CCDC152: variants seen among roughly 807,000 people sequenced by gnomAD.
The protein encoded by CCDC152 is coiled-coil domain-containing protein 152.
Under a neutral mutation model 38.1 loss-of-function variants are expected in CCDC152, and 37 were observed. That is an observed-to-expected ratio of 0.97 (90% CI 0.75 to 1.28). CCDC152 has a LOEUF of 1.28. Ranked by LOEUF, CCDC152 falls within the 50% of genes most tolerant of loss-of-function variation. CCDC152 has a pLI of 0.00. For synonymous variants in CCDC152, 83 were observed against 87.1 expected, an observed-to-expected ratio of 0.95 and a Z score of 0.26; for missense variants, 259 against 292.1, an observed-to-expected ratio of 0.89 and a Z score of 0.83.
chr5:42,760,745 C>T (rs182300244), intron 2 of CCDC152, among the ~76,000 whole-genome samples: 2 of 152,012 alleles, frequency 1.3e-5, no homozygotes, highest in South Asian at 2.1e-4. Flanking sequence ...TATGATCATG[C>T]GTATTTTGAA....
intron 7 of CCDC152, 79 bp downstream of exon 7, chr5:42,797,035 G>A (rs1042581952): frequency 1.8e-6 from 2 of 1,116,638 alleles, no homozygotes; most frequent in African/African-American, 3.3e-5. Context: ...TCATCACAGT[G>A]AGATACATTT....
intron 6 of CCDC152, among the ~76,000 whole-genome samples, chr5:42,792,454 T>C (rs552643849): frequency 6.6e-6 from 1 of 152,358 alleles, no homozygotes; most frequent in East Asian, 1.9e-4. Context: ...TCTACTGCAT[T>C]TGTGGGCATT....
intron 4 of CCDC152, among the ~76,000 whole-genome samples, chr5:42,777,699 CT>C: frequency 6.6e-6 from 1 of 152,246 alleles, no homozygotes; most frequent in Admixed American, 6.5e-5. Flanking sequence ...GATTTTAGAT[CT>C]TTACTTAATT....
intron 6 of CCDC152, among the ~76,000 whole-genome samples, chr5:42,796,551 A>G (rs999987679): frequency 2.6e-5 from 4 of 152,180 alleles, no homozygotes; most frequent in Non-Finnish European, 4.4e-5. Context: ...CTCTTCAACC[A>G]CTGTATCTCC....
chr5:42,766,011 C>T (rs1759619462), intron 3 of CCDC152, among the ~76,000 whole-genome samples: 1 of 152,082 alleles, frequency 6.6e-6, no homozygotes, highest in South Asian at 2.1e-4. Context: ...GCAAACTACC[C>T]CTCTGACAAG....
chr5:42,800,879 G>A lies in CCDC152; in HGVS notation c.*1098G>A. On this transcript the variant is annotated 3_prime_UTR_variant, in exon 9 of 9. Coordinates refer to ENST00000361970, the MANE Select transcript of CCDC152 (RefSeq NM_001134848.2). ...TCTCCTCTGCCCGAAGTCCCTGTCAGCTACATAAAGATGGGAGGTTTTCTT... is the reference window on the plus strand; with the variant it reads ...TCTCCTCTGCCCGAAGTCCCTGTCAACTACATAAAGATGGGAGGTTTTCTT... 1 of 1,614,194 alleles carries A rather than the reference G, an allele frequency of 6.2e-7. No homozygotes were observed. Among genetic ancestry groups the A allele is most frequent in the Non-Finnish European group, 8.5e-7 (1 of 1,180,022 alleles).
intron 1 of CCDC152, among the ~76,000 whole-genome samples, chr5:42,757,274 T>A (rs1044555381): frequency 1.3e-5 from 2 of 151,986 alleles, no homozygotes; most frequent in Non-Finnish European, 2.9e-5. Flanking sequence ...TGAGAGTGAA[T>A]TCTTGAGGGG....
At chr5:42,761,005 A>G (rs1196648493) in intron 2 of CCDC152, among the ~76,000 whole-genome samples, 1 of 152,228 alleles carries the variant, frequency 6.6e-6, no homozygotes, top group Non-Finnish European at 1.5e-5. Flanking sequence ...TTGGAGATAC[A>G]TATGGATGGT....
chr5:42,762,561 C>G lies in CCDC152; in HGVS notation c.193+13C>G. The G allele has an allele frequency of 7.8e-7, 1 of 1,288,822 alleles. No homozygotes were observed. Among genetic ancestry groups the G allele is most frequent in the South Asian group, 1.3e-5 (1 of 77,936 alleles). 79.8% of individuals were successfully genotyped at this position (1,288,822 alleles called of 1,614,324 possible). ...TCCATTAAAGAAGGTTAGTTATTTGCTGCCTGAGGAATGCTAATTCTAATG... is the reference window on the plus strand; with the variant it reads ...TCCATTAAAGAAGGTTAGTTATTTGGTGCCTGAGGAATGCTAATTCTAATG... On this transcript the variant is annotated intron_variant, in intron 3 of 8. Transcript: ENST00000361970.
chr5:42,777,134 C>A (rs1001587798), intron 4 of CCDC152, among the ~76,000 whole-genome samples: 4 of 151,538 alleles, frequency 2.6e-5, no homozygotes, highest in African/African-American at 9.7e-5. Flanking sequence ...TTGAAAAGAT[C>A]AATAAAATTG....
intron 4 of CCDC152, among the ~76,000 whole-genome samples, chr5:42,773,628 A>T (rs1374682134): frequency 6.6e-6 from 1 of 152,204 alleles, no homozygotes; most frequent in Non-Finnish European, 1.5e-5. Context: ...AAGTAGTTTT[A>T]AAAAATAAAA....
At chr5:42,799,481 A>G in intron 8 of CCDC152, 23 bp downstream of exon 8, 1 of 1,420,078 alleles carries the variant, frequency 7.0e-7, no homozygotes, top group Non-Finnish European at 9.6e-7. Context: ...TCCTCTCAGT[A>G]TTTGTTGCTT....
At chr5:42,783,618 A>G in intron 6 of CCDC152, 42 bp downstream of exon 6, 1 of 1,017,490 alleles carries the variant, frequency 9.8e-7, no homozygotes, top group South Asian at 3.1e-5. Context: ...TTGATTCAAC[A>G]GATATAATGT....
chr5:42,783,310 T>C (rs920622171), intron 5 of CCDC152, among the ~76,000 whole-genome samples, 164 bp from the exon 6 acceptor site: 19 of 152,062 alleles, frequency 1.2e-4, no homozygotes, highest in Non-Finnish European at 2.5e-4. Flanking sequence ...GGTGAAATTG[T>C]TCATTTATAT....
At chr5:42,780,949 A>T (rs935530618) in intron 5 of CCDC152, among the ~76,000 whole-genome samples, 2 of 152,210 alleles carry the variant, frequency 1.3e-5, no homozygotes, top group Admixed American at 1.3e-4. Context: ...AAATGAAAAG[A>T]TTACATTTTT....
At chr5:42,792,686 T>G (rs890270259) in intron 6 of CCDC152, among the ~76,000 whole-genome samples, 2 of 152,216 alleles carry the variant, frequency 1.3e-5, no homozygotes, top group African/African-American at 4.8e-5. Context: ...TATACCTGTT[T>G]CCTTGTGCTA....
intron 6 of CCDC152, 32 bp downstream of exon 6, chr5:42,783,608 T>A (rs1055960568): frequency 8.9e-7 from 1 of 1,124,770 alleles, no homozygotes; most frequent in South Asian, 2.5e-5. Context: ...TTTTTTGTTA[T>A]TGATTCAACA....
intron 1 of CCDC152, among the ~76,000 whole-genome samples, chr5:42,758,813 C>T (rs563065005): frequency 6.6e-6 from 1 of 152,282 alleles, no homozygotes; most frequent in South Asian, 2.1e-4. Flanking sequence ...GTATTTTTAA[C>T]ATCTTTAATT....
chr5:42,768,345 C>A (rs1246048992), intron 3 of CCDC152, among the ~76,000 whole-genome samples: 1 of 151,456 alleles, frequency 6.6e-6, no homozygotes, highest in Non-Finnish European at 1.5e-5. Flanking sequence ...CTATGGACCA[C>A]AAGTGTCCTA....
Sources: gnomAD v4.1 joint callset for allele counts (sites outside exome capture counted in the v4.1 genomes callset) on GRCh38, gnomAD v4.1.1 for gene constraint, MANE v1.5 for transcripts, NCBI Gene and HGNC (gene_info 2026-07-23, HGNC 2026-07-21) for gene names.